RAET1E: variants seen among roughly 807,000 people sequenced by gnomAD.
RAET1E encodes retinoic acid early transcript 1E, also known as NKG2D ligand 4.
A neutral mutation model predicts 21.1 loss-of-function variants in RAET1E; 27 were observed. The observed-to-expected ratio is 1.28, with a 90% CI of 0.94 to 1.76. The LOEUF is 1.76. RAET1E is among the 40% of genes most tolerant of loss of function. RAET1E has a pLI of 0.00. For missense variants in RAET1E, 310 were observed against 311.3 expected (o/e 1.00, Z 0.03); for synonymous variants, 113 against 115.0 (o/e 0.98, Z 0.11).
chr6:149,894,414 A>G (rs1379136794), intron 2 of RAET1E, among the ~76,000 whole-genome samples: 3 of 152,174 alleles, frequency 2.0e-5, no homozygotes, highest in African/African-American at 4.8e-5. Flanking sequence ...AGGTACACCA[A>G]TCAAATGTAG....
Position 149,884,519 on chromosome 6 carries a change from C to CA in RAET1E, c.*3978dup, listed in dbSNP as rs1197904899. The CA allele has an allele frequency of 7.2e-6, 11 of 1,535,754 alleles. No individual in the cohort carries two copies. The Admixed American group carries it at 2.2e-4, about 30-fold the overall frequency. On this transcript the variant is annotated 3_prime_UTR_variant, in exon 6 of 6. Transcript: ENST00000357183. ...GGATCTTCTGCCTTTAGGAAGGAGA[C>CA]AAAAGAGTGCAGAACCCTGGGTCAG...
intron 2 of RAET1E, among the ~76,000 whole-genome samples, chr6:149,892,366 T>A (rs7747457): frequency 0.41 from 62,476 of 151,818 alleles, 13,684 homozygotes; most frequent in East Asian, 0.88. Context: ...CTCTCCAACA[T>A]CTGTTATTTC....
rs922537476 is a variant in RAET1E, at chr6:149,885,343, C to T, written c.*3155G>A. ...GAGACAGTCCCCGAGACTCATTCAG[C>T]CTTTGCCTTTCTCCTGTTGGCCAGG... On this transcript the variant is annotated 3_prime_UTR_variant, in exon 6 of 6. Transcript: ENST00000357183. 6.6e-6 allele frequency among the ~76,000 whole-genome samples: 1 copy of T among 152,242 alleles called. No individual in the cohort carries two copies. The highest frequency in any genetic ancestry group is 2.4e-5 in the African/African-American group (1 of 41,468).
At chr6:149,897,263 G>A (rs1778151065) in intron 1 of RAET1E, among the ~76,000 whole-genome samples, 1 of 152,052 alleles carries the variant, frequency 6.6e-6, no homozygotes. Flanking sequence ...TCGAACTCCT[G>A]GGCTCAAACA....
At chr6:149,891,967 G>T (rs548644643) in intron 2 of RAET1E, among the ~76,000 whole-genome samples, 1 of 152,260 alleles carries the variant, frequency 6.6e-6, no homozygotes, top group African/African-American at 2.4e-5. Context: ...CTATGAGTGA[G>T]AACATGTGGT....
At chr6:149,896,325 T>G (rs552816775) in intron 1 of RAET1E, 1 of 152,394 alleles carries the variant, frequency 6.6e-6, no homozygotes, top group South Asian at 2.1e-4. Context: ...CAGGGCTCTA[T>G]CTCTGGGGCT....
rs1254581281 is a variant in RAET1E, at chr6:149,886,918, G to A, written c.*1580C>T. On this transcript the variant is annotated 3_prime_UTR_variant, in exon 6 of 6. Coordinates refer to ENST00000357183, the MANE Select transcript of RAET1E (RefSeq NM_001394057.1). ...TTTTCCCTGGGTGCTGCTCTTCCCC[G>A]TGACAGAGAAATCCATGCGACACAG... Among the ~76,000 whole-genome samples, 3 of 152,184 alleles carry A rather than the reference G, an allele frequency of 2.0e-5. No individual in the cohort carries two copies. The highest frequency in any genetic ancestry group is 4.8e-5 in the African/African-American group (2 of 41,426).
intron 3 of RAET1E, 132 bp from the exon 4 acceptor site, chr6:149,890,277 C>T: frequency 1.1e-6 from 1 of 891,392 alleles, no homozygotes; most frequent in Non-Finnish European, 1.7e-6. Context: ...CAGACTCCCT[C>T]AACCTTCTGG....
intron 5 of RAET1E, among the ~76,000 whole-genome samples, 166 bp from the exon 6 acceptor site, chr6:149,888,833 A>G (rs1006319361): frequency 9.9e-5 from 15 of 152,112 alleles, no homozygotes; most frequent in African/African-American, 3.6e-4. Flanking sequence ...GGCCATGAAG[A>G]TGAATAGGGG....
chr6:149,893,516 G>A (rs2114585138), intron 2 of RAET1E, among the ~76,000 whole-genome samples: 1 of 152,220 alleles, frequency 6.6e-6, no homozygotes, highest in South Asian at 2.1e-4. Context: ...TGTTATTGTT[G>A]CATAGGAATG....
At chr6:149,892,456 C>G (rs185738166) in intron 2 of RAET1E, among the ~76,000 whole-genome samples, 4 of 152,316 alleles carry the variant, frequency 2.6e-5, no homozygotes, top group Non-Finnish European at 5.9e-5. Context: ...CTCTAACGAC[C>G]AGTGATGATG....
intron 2 of RAET1E, among the ~76,000 whole-genome samples, chr6:149,893,359 T>C (rs1439919802): frequency 6.6e-6 from 1 of 152,226 alleles, no homozygotes; most frequent in African/African-American, 2.4e-5. Flanking sequence ...CATTTGTTTA[T>C]GTCCTCTCTT....
Position 149,886,694 on chromosome 6 carries a change from T to A in RAET1E, c.*1804A>T, listed in dbSNP as rs1777625792. Among the ~76,000 whole-genome samples the A allele has an allele frequency of 6.6e-6, 1 of 152,198 alleles. No individual in the cohort carries two copies. The highest frequency in any genetic ancestry group is 2.1e-4 in the South Asian group (1 of 4,826). On this transcript the variant is annotated 3_prime_UTR_variant, in exon 6 of 6. Coordinates refer to ENST00000357183, the MANE Select transcript of RAET1E (RefSeq NM_001394057.1). ...ACAGGAGTGAGCTATCACGCCCAGA[T>A]GAGATTTATTTTATGATCCAAAAAT...
Position 149,887,061 on chromosome 6 carries a change from C to T in RAET1E, c.*1437G>A, listed in dbSNP as rs1777642621. On this transcript the variant is annotated 3_prime_UTR_variant, in exon 6 of 6. Transcript: ENST00000357183. The stretch of plus-strand genomic sequence containing the variant: ...GTTCAGCTCAGCTGTGGGCACTGAC[C>T]TCCACCGGCGCTTGATCCCTGCCTG... 6.6e-6 allele frequency among the ~76,000 whole-genome samples: 1 copy of T among 152,148 alleles called. No individual in the cohort carries two copies. The highest frequency in any genetic ancestry group is 1.5e-5 in the Non-Finnish European group (1 of 68,010).
In RAET1E at chr6:149,885,850, CA is replaced by C. The variant is rs1395671916; in HGVS notation, c.*2647del. ...GCAGCCATGATAGATTCTCAGGTTA[CA>C]AAAGTAATGTCCTCAAGTAAGCGCA... On this transcript the variant is annotated 3_prime_UTR_variant, in exon 6 of 6. Transcript: ENST00000357183. Among the ~76,000 whole-genome samples the C allele has an allele frequency of 6.6e-6, 1 of 152,180 alleles. No homozygotes were observed. Among genetic ancestry groups the C allele is most frequent in the Non-Finnish European group, 1.5e-5 (1 of 68,042 alleles).
chr6:149,891,904 G>A (rs1206676812), intron 2 of RAET1E, among the ~76,000 whole-genome samples: 1 of 152,062 alleles, frequency 6.6e-6, no homozygotes, highest in African/African-American at 2.4e-5. Context: ...ACAGGCCCTG[G>A]TGTGTGATGT....
intron 1 of RAET1E, among the ~76,000 whole-genome samples, chr6:149,896,870 G>C (rs7755896): frequency 6.6e-6 from 1 of 152,042 alleles, no homozygotes; most frequent in Non-Finnish European, 1.5e-5. Context: ...TATACAGAAA[G>C]GGGAAAGGGG....
chr6:149,884,421 T>C lies in RAET1E; in HGVS notation c.*4077A>G. On this transcript the variant is annotated 3_prime_UTR_variant, in exon 6 of 6. Transcript: ENST00000357183. ...ACTTGACTCAGGGAACACACAGCAG[T>C]GGGAGCCAAGGCTGTCAGCGATCGA... 1 of 1,457,398 alleles carries C rather than the reference T, an allele frequency of 6.9e-7. No individual in the cohort carries two copies. The highest frequency in any genetic ancestry group is 1.2e-5 in the South Asian group (1 of 82,436). 90.3% of individuals were successfully genotyped at this position (1,457,398 alleles called of 1,614,324 possible). A position where few individuals can be genotyped will look rare whatever the true frequency, so the allele number is the denominator to read the frequency against.
Position 149,888,481 on chromosome 6 carries a change from C to G in RAET1E, c.*17G>C, listed in dbSNP as rs754246747. 1 of 1,610,416 alleles carries G rather than the reference C, an allele frequency of 6.2e-7. No homozygotes were observed. The highest frequency in any genetic ancestry group is 1.1e-5 in the South Asian group (1 of 90,816). On this transcript the variant is annotated 3_prime_UTR_variant, in exon 6 of 6. Coordinates refer to ENST00000357183, the MANE Select transcript of RAET1E (RefSeq NM_001394057.1). ...TGGATGAGACCCATGATTCACCTCT[C>G]TTGAGTCCTTACCAGACTAAGACGT...
Sources: allele counts gnomAD v4.1 joint callset (sites outside exome capture counted in the v4.1 genomes callset), GRCh38; gene constraint gnomAD v4.1.1; transcripts MANE v1.5; gene names NCBI Gene and HGNC (gene_info 2026-07-23, HGNC 2026-07-21).